BCKDHB: variants seen among roughly 807,000 people sequenced by gnomAD.
BCKDHB encodes the protein branched chain keto acid dehydrogenase E1 subunit beta, also known as 2-oxoisovalerate dehydrogenase subunit beta, mitochondrial.
A neutral mutation model predicts 48.5 loss-of-function variants in BCKDHB; 41 were observed. The observed-to-expected ratio is 0.85, with a 90% CI of 0.66 to 1.10. BCKDHB has a LOEUF of 1.10. BCKDHB is among the 50% of genes least tolerant of loss of function. The probability of loss-of-function intolerance (pLI) is 0.00; values close to 1 mark genes in which losing one functional copy is unlikely to be tolerated. For synonymous variants in BCKDHB, 201 were observed against 174.8 expected, an observed-to-expected ratio of 1.15 and a Z score of -1.18; for missense variants, 496 against 494.2, an observed-to-expected ratio of 1.00 and a Z score of -0.03.
At chr6:80,134,351 T>C (rs1198109082) in intron 3 of BCKDHB, among the ~76,000 whole-genome samples, 1 of 152,188 alleles carries the variant, frequency 6.6e-6, no homozygotes, top group East Asian at 1.9e-4. Flanking sequence ...CTTACTTGTT[T>C]TCTTATGTAA....
At chr6:80,167,182 A>G (rs1203359631) in intron 3 of BCKDHB, among the ~76,000 whole-genome samples, 1 of 152,034 alleles carries the variant, frequency 6.6e-6, no homozygotes, top group Admixed American at 6.6e-5. Flanking sequence ...TTTGCCTGCT[A>G]TTAATATAGT....
chr6:80,234,623 G>A lies in BCKDHB; in HGVS notation c.951+31411G>A, dbSNP rs368602320. ...ATTAGTACAGCTATTATGGGAAGCA[G>A]TATGGAGACTCCCAGAAAACTAAAA... On this transcript the variant is annotated intron_variant, in intron 8 of 9. Transcript: ENST00000320393. 1.7e-4 allele frequency among the ~76,000 whole-genome samples: 26 copies of A among 152,238 alleles called. No homozygotes were observed. The East Asian group carries it at 4.6e-3, about 27-fold the overall frequency.
At chr6:80,325,218 T>C (rs182252187) in intron 9 of BCKDHB, among the ~76,000 whole-genome samples, 97 of 152,352 alleles carry the variant, frequency 6.4e-4, no homozygotes, top group African/African-American at 2.3e-3. Flanking sequence ...CACTGTAGCA[T>C]ATAGCAGTCT....
chr6:80,369,411 AAAC>A, the BCKDHB span, among the ~76,000 whole-genome samples: 29 of 152,354 alleles, frequency 1.9e-4, no homozygotes, highest in Non-Finnish European at 3.1e-4. Context: ...AGGGTATTAA[AAAC>A]AACATCAATA....
In BCKDHB at chr6:80,146,039, T is replaced by C. The variant is rs138404326; in HGVS notation, c.343+16810T>C. ...TTCAGACAGCTACAACACTGTTTGCTTCACAGCACTGCTTCCCTACCTTGC... is the reference window on the plus strand; with the variant it reads ...TTCAGACAGCTACAACACTGTTTGCCTCACAGCACTGCTTCCCTACCTTGC... On this transcript the variant is annotated intron_variant, in intron 3 of 9. Coordinates refer to ENST00000320393, the MANE Select transcript of BCKDHB (RefSeq NM_183050.4). 1.7e-3 allele frequency among the ~76,000 whole-genome samples: 264 copies of C among 152,236 alleles called. 1 individual carries two copies. The highest frequency in any genetic ancestry group is 6.0e-3 in the African/African-American group (250 of 41,544).
chr6:80,201,867 A>T (rs888249779), intron 7 of BCKDHB, among the ~76,000 whole-genome samples: 3 of 152,196 alleles, frequency 2.0e-5, no homozygotes, highest in African/African-American at 7.2e-5. Context: ...AATTTAGGGC[A>T]ATGCAATATA....
At chr6:80,393,744 A>G in the BCKDHB span, among the ~76,000 whole-genome samples, 87 of 152,306 alleles carry the variant, frequency 5.7e-4, no homozygotes, top group Admixed American at 8.5e-4. Flanking sequence ...TTGATTCACT[A>G]ATATGCTTGA....
the BCKDHB span, among the ~76,000 whole-genome samples, chr6:80,388,150 A>G: frequency 6.6e-6 from 1 of 152,158 alleles, no homozygotes; most frequent in Admixed American, 6.6e-5. Flanking sequence ...TGGCCCATTT[A>G]TTGAGTGACC....
intron 8 of BCKDHB, among the ~76,000 whole-genome samples, chr6:80,220,389 C>CT (rs989608414): frequency 1.7e-5 from 1 of 59,208 alleles, no homozygotes; most frequent in Non-Finnish European, 3.6e-5. Flanking sequence ...TAGATTATCT[C>CT]TGTTTCTTTA....
intron 8 of BCKDHB, among the ~76,000 whole-genome samples, chr6:80,215,183 G>A (rs537222508): frequency 3.5e-4 from 53 of 152,288 alleles, no homozygotes; most frequent in Non-Finnish European, 6.0e-4. Flanking sequence ...TTTTGGATAT[G>A]GTTTGACCTT....
At chr6:80,360,526 A>G in the BCKDHB span, among the ~76,000 whole-genome samples, 1 of 152,188 alleles carries the variant, frequency 6.6e-6, no homozygotes, top group African/African-American at 2.4e-5. Flanking sequence ...AATCTCTTTA[A>G]TGTCAGCTAT....
At chr6:80,366,112 G>A in the BCKDHB span, among the ~76,000 whole-genome samples, 2 of 152,150 alleles carry the variant, frequency 1.3e-5, no homozygotes, top group Admixed American at 6.5e-5. Flanking sequence ...CCTTGAACCT[G>A]GAATAATAAA....
intron 6 of BCKDHB, among the ~76,000 whole-genome samples, chr6:80,188,063 A>T (rs1773727575): frequency 6.6e-6 from 1 of 152,194 alleles, no homozygotes; most frequent in African/African-American, 2.4e-5. Context: ...AATAGCAAAG[A>T]CGTAAAATCA....
intron 3 of BCKDHB, among the ~76,000 whole-genome samples, chr6:80,137,033 G>A (rs1770924339): frequency 6.6e-6 from 1 of 152,166 alleles, no homozygotes. Flanking sequence ...CACAGCCACA[G>A]TGGAAAACAG....
At position 80,243,605 on chromosome 6, in the gene BCKDHB, G is replaced by A. The variant is rs189291685; in HGVS notation, c.952-29530G>A. Among the ~76,000 whole-genome samples the A allele has an allele frequency of 2.7e-3, 416 of 152,154 alleles. 1 individual carries two copies. Among genetic ancestry groups the A allele is most frequent in the Middle Eastern group, 3.4e-3 (1 of 294 alleles). ...TGGAGTGCAGTGGTGTGATCTCAGT[G>A]CACTGAAGCCTTGACCTCCAGAGCT... On this transcript the variant is annotated intron_variant, in intron 8 of 9. Coordinates refer to ENST00000320393, the MANE Select transcript of BCKDHB (RefSeq NM_183050.4).
At chr6:80,448,501 C>T in the BCKDHB span, among the ~76,000 whole-genome samples, 1 of 151,920 alleles carries the variant, frequency 6.6e-6, no homozygotes, top group Non-Finnish European at 1.5e-5. Context: ...ATGGCAATGA[C>T]AGAGATAGAG....
chr6:80,129,035 A>G, intron 2 of BCKDHB, 126 bp from the exon 3 acceptor site: 1 of 744,436 alleles, frequency 1.3e-6, no homozygotes, highest in Non-Finnish European at 2.2e-6. Flanking sequence ...AGAAACCTTG[A>G]TCGAGATCTA....
At chr6:80,339,049 G>A (rs1769757300) in intron 9 of BCKDHB, among the ~76,000 whole-genome samples, 1 of 152,042 alleles carries the variant, frequency 6.6e-6, no homozygotes, top group African/African-American at 2.4e-5. Flanking sequence ...GATGTGTAAT[G>A]CCTGAGACAG....
chr6:80,297,228 T>TA (rs1562211798), intron 9 of BCKDHB, among the ~76,000 whole-genome samples: 1 of 152,204 alleles, frequency 6.6e-6, no homozygotes, highest in Non-Finnish European at 1.5e-5. Flanking sequence ...GACCCTAAAC[T>TA]ACTTAGAAAA....
Sources: gnomAD v4.1 joint callset for allele counts (sites outside exome capture counted in the v4.1 genomes callset) on GRCh38, gnomAD v4.1.1 for gene constraint, MANE v1.5 for transcripts, NCBI Gene and HGNC (gene_info 2026-07-23, HGNC 2026-07-21) for gene names.